GPHN: variants seen among roughly 807,000 people sequenced by gnomAD.
GPHN encodes gephyrin.
Under a neutral mutation model 95.5 loss-of-function variants are expected in GPHN, and 17 were observed. The observed-to-expected ratio is 0.18, with a 90% CI of 0.12 to 0.27. The LOEUF is 0.27. GPHN is among the 10% of genes least tolerant of loss of function. The pLI is 1.00. For missense variants in GPHN, 660 were observed against 978.1 expected (o/e 0.67, Z 4.34); for synonymous variants, 320 against 322.5 (o/e 0.99, Z 0.08).
chr14:67,228,186 G>A, the GPHN span, among the ~76,000 whole-genome samples: 16 of 146,198 alleles, frequency 1.1e-4, no homozygotes, highest in Middle Eastern at 3.6e-3. Flanking sequence ...AAAAAAAAAA[G>A]AAATTAAGTT....
chr14:67,044,358 C>T (rs2074879863), intron 10 of GPHN, among the ~76,000 whole-genome samples: 1 of 151,948 alleles, frequency 6.6e-6, no homozygotes, highest in Non-Finnish European at 1.5e-5. Context: ...AAAAAATAAA[C>T]AATAATAATT....
the GPHN span, among the ~76,000 whole-genome samples, chr14:67,489,746 A>T: frequency 1.1e-4 from 16 of 152,064 alleles, no homozygotes; most frequent in South Asian, 2.1e-3. Context: ...ATCCCAGCAC[A>T]TTGGGAGGCC....
the GPHN span, chr14:67,278,951 G>A: frequency 6.9e-5 from 28 of 408,466 alleles, no homozygotes; most frequent in African/African-American, 5.3e-4. Context: ...ATTAGAAGTG[G>A]GCTCTGTAAA....
intron 8 of GPHN, among the ~76,000 whole-genome samples, chr14:66,948,329 A>C (rs148962847): frequency 0.017 from 2,574 of 152,268 alleles, 40 homozygotes; most frequent in Non-Finnish European, 0.028. Context: ...TTAAATTTTT[A>C]AGTTTATAAA....
At chr14:67,408,515 G>C in the GPHN span, among the ~76,000 whole-genome samples, 1 of 152,066 alleles carries the variant, frequency 6.6e-6, no homozygotes, top group Admixed American at 6.6e-5. Flanking sequence ...AGTCACCCTA[G>C]ACTAGAATGG....
intron 11 of GPHN, among the ~76,000 whole-genome samples, chr14:67,074,628 A>G (rs183254737): frequency 6.6e-6 from 1 of 152,326 alleles, no homozygotes; most frequent in African/African-American, 2.4e-5. Flanking sequence ...GGAAATGATT[A>G]AGCTTAGTGA....
intron 11 of GPHN, among the ~76,000 whole-genome samples, chr14:67,065,573 TG>T (rs888260749): frequency 5.3e-5 from 8 of 152,132 alleles, no homozygotes; most frequent in African/African-American, 1.9e-4. Flanking sequence ...GAAGTCTCTT[TG>T]TAGGTCTCTA....
At chr14:66,548,839 G>A (rs2059707091) in intron 1 of GPHN, among the ~76,000 whole-genome samples, 1 of 152,038 alleles carries the variant, frequency 6.6e-6, no homozygotes, top group African/African-American at 2.4e-5. Context: ...TGAATACAAA[G>A]GAAAAATTAT....
the GPHN span, chr14:67,225,068 C>G: frequency 4.7e-6 from 7 of 1,496,792 alleles, no homozygotes; most frequent in Non-Finnish European, 6.2e-6. Flanking sequence ...CACTTCCTCT[C>G]TATTGATCTC....
the GPHN span, among the ~76,000 whole-genome samples, chr14:67,524,629 G>A: frequency 1.4e-4 from 21 of 152,100 alleles, no homozygotes; most frequent in African/African-American, 4.8e-4. Context: ...TGAAAGTTGC[G>A]AGATGGGCTT....
chr14:67,319,860 CCTT>C, the GPHN span, among the ~76,000 whole-genome samples: 2 of 152,174 alleles, frequency 1.3e-5, no homozygotes, highest in South Asian at 2.1e-4. Context: ...CTTAAAACAA[CCTT>C]CTTAAGTAGA....
chr14:66,789,098 T>C (rs1329711152), intron 3 of GPHN, among the ~76,000 whole-genome samples: 1 of 152,252 alleles, frequency 6.6e-6, no homozygotes, highest in Admixed American at 6.5e-5. Flanking sequence ...GTTCAATTTA[T>C]GGAAAAACTG....
At chr14:67,017,642 A>G (rs1434774957) in intron 9 of GPHN, among the ~76,000 whole-genome samples, 1 of 152,120 alleles carries the variant, frequency 6.6e-6, no homozygotes, top group Non-Finnish European at 1.5e-5. Context: ...CTGCTCTCTT[A>G]GAAAATAAGG....
At chr14:66,657,132 A>T (rs2065351159) in intron 1 of GPHN, among the ~76,000 whole-genome samples, 1 of 152,352 alleles carries the variant, frequency 6.6e-6, no homozygotes, top group East Asian at 1.9e-4. Context: ...TTAATTGCTA[A>T]TAAAGAGATA....
intron 1 of GPHN, among the ~76,000 whole-genome samples, chr14:66,515,541 T>TA (rs1307507045): frequency 2.0e-5 from 3 of 152,192 alleles, no homozygotes; most frequent in East Asian, 1.9e-4. Flanking sequence ...ATTTGATATC[T>TA]AAAAACTAAA....
chr14:66,804,466 C>G (rs1186523289), intron 3 of GPHN, among the ~76,000 whole-genome samples: 1 of 152,198 alleles, frequency 6.6e-6, no homozygotes, highest in South Asian at 2.1e-4. Context: ...TTTTGTCTAG[C>G]TTTGCATGCT....
chr14:67,308,329 C>CT, the GPHN span, among the ~76,000 whole-genome samples: 2 of 112,458 alleles, frequency 1.8e-5, no homozygotes, highest in Non-Finnish European at 3.8e-5. Flanking sequence ...TTTTTTTTTT[C>CT]TTTTTTTTCT....
At chr14:66,785,289 CG>C (rs2059734172) in intron 3 of GPHN, among the ~76,000 whole-genome samples, 1 of 152,106 alleles carries the variant, frequency 6.6e-6, no homozygotes, top group Non-Finnish European at 1.5e-5. Flanking sequence ...TCTCTTGAAC[CG>C]GGGAGGTGGA....
intron 20 of GPHN, among the ~76,000 whole-genome samples, chr14:67,168,040 C>G (rs914278555): frequency 1.3e-5 from 2 of 152,184 alleles, no homozygotes; most frequent in South Asian, 2.1e-4. Context: ...TTGTATTAGT[C>G]TGCTCAGGCT....
Sources: gnomAD v4.1 joint callset for allele counts (sites outside exome capture counted in the v4.1 genomes callset) on GRCh38, gnomAD v4.1.1 for gene constraint, MANE v1.5 for transcripts, NCBI Gene and HGNC (gene_info 2026-07-23, HGNC 2026-07-21) for gene names.